The following VIM variants were observed in gnomAD, a reference collection of about 807,000 sequenced individuals.
VIM encodes the protein vimentin.
Under a neutral mutation model 50.3 loss-of-function variants are expected in VIM, and 18 were observed. The observed-to-expected ratio is 0.36, with a 90% confidence interval of 0.25 to 0.53. VIM has a LOEUF of 0.53. Ranked by LOEUF, VIM falls within the 20% of genes least tolerant of loss-of-function variation. The pLI, the probability that VIM is intolerant of heterozygous loss-of-function variation, is 0.91. For synonymous variants in VIM, 245 were observed against 248.5 expected, an observed-to-expected ratio of 0.99 and a Z score of 0.13; for missense variants, 551 against 614.7, an observed-to-expected ratio of 0.90 and a Z score of 1.10.
rs1564374964 is a variant in VIM at position 17,235,799 on chromosome 10, G to GAGAA, written c.1230-46_1230-45insGAAA. 3.2e-6 allele frequency: 5 copies of GAGAA among 1,572,552 alleles called. No individual in the cohort carries two copies. In the South Asian group the frequency reaches 5.5e-5, roughly 17 times the overall value. Reference sequence around the variant, plus strand: ...GTGTGTTAATTTGTTCCCAGTGGTTGAAGTTATTTGCCAACAATTTTACTG... The same window carrying GAGAA: ...GTGTGTTAATTTGTTCCCAGTGGTTGAGAAAAGTTATTTGCCAACAATTTTACTG... On this transcript the variant is annotated intron_variant, in intron 7 of 9. Transcript: ENST00000544301.
intron 3 of VIM, among the ~76,000 whole-genome samples, chr10:17,232,310 A>T (rs1846812518): frequency 6.6e-6 from 1 of 152,182 alleles, no homozygotes; most frequent in South Asian, 2.1e-4. Flanking sequence ...AAGGCTATGA[A>T]CTCCAAATAT....
At chr10:17,230,533 G>T in intron 2 of VIM, 117 bp from the exon 3 acceptor site, 1 of 1,173,562 alleles carries the variant, frequency 8.5e-7, no homozygotes, top group Middle Eastern at 2.8e-4. Flanking sequence ...GGCGCTAGTT[G>T]CGCGGAGGTG....
At chr10:17,235,052 T>G (rs977558343) in intron 6 of VIM, 117 bp from the exon 7 acceptor site, 6 of 1,286,418 alleles carry the variant, frequency 4.7e-6, no homozygotes, top group African/African-American at 1.5e-5. Context: ...CCACCTAAAA[T>G]TAGAGTGGTC....
At chr10:17,230,757 A>G (rs1316138268) in intron 3 of VIM, 47 bp downstream of exon 3, 9 of 1,608,784 alleles carry the variant, frequency 5.6e-6, no homozygotes, top group Non-Finnish European at 7.7e-6. Flanking sequence ...CCCACCCAAC[A>G]CAACCCACGA....
chr10:17,234,930 C>A, intron 6 of VIM, 112 bp downstream of exon 6: 1 of 1,487,112 alleles, frequency 6.7e-7, no homozygotes, highest in Non-Finnish European at 9.2e-7. Flanking sequence ...TATCATAATG[C>A]AAAGAAAATG....
chr10:17,235,732 T>C, intron 7 of VIM, 114 bp from the exon 8 acceptor site: 1 of 1,014,762 alleles, frequency 9.9e-7, no homozygotes, highest in Non-Finnish European at 1.5e-6. Flanking sequence ...CTCTAGTTTA[T>C]GATTTAAAAC....
In VIM at chr10:17,230,507, A is replaced by G. The variant is rs549355720; in HGVS notation, c.564-143A>G. The G allele has an allele frequency of 4.8e-5, 45 of 931,984 alleles. 1 individual carries two copies. In the South Asian group the frequency reaches 5.7e-4, roughly 12 times the overall value. 57.7% of individuals were successfully genotyped at this position (931,984 alleles called of 1,614,324 possible). ...CCCGCTGAAACCTGCCGAGGGCAGCAGGTCTGAAAGCTGCAGGCGCTAGTT... is the reference window on the plus strand; with the variant it reads ...CCCGCTGAAACCTGCCGAGGGCAGCGGGTCTGAAAGCTGCAGGCGCTAGTT... On this transcript the variant is annotated intron_variant, in intron 2 of 9. Transcript: ENST00000544301.
intron 1 of VIM, chr10:17,229,040 C>T (rs1846730039): frequency 2.9e-6 from 1 of 344,988 alleles, no homozygotes; most frequent in South Asian, 2.9e-5. Flanking sequence ...GAGCCCAGCT[C>T]AGACTATCAT....
rs140482660 is a variant in VIM, at chr10:17,235,882, C to T, written c.1266C>T (p.Asn422=). Residue 422 remains asparagine (N), a synonymous_variant, in exon 8 of 10, where the codon AAC becomes AAT. Transcript: ENST00000544301. ...CTCTTCCAAACTTTTCCTCCCTGAA[C>T]CTGAGGGGTAAGCATTTTATTTCCC... ...SLPLPNFSSL[N]LRETNLDSLP... is the part of the protein sequence containing the mutation. 1.9e-6 allele frequency: 3 copies of T among 1,613,654 alleles called. No individual in the cohort carries two copies. Among genetic ancestry groups the T allele is most frequent in the Non-Finnish European group, 2.5e-6 (3 of 1,179,664 alleles).
Position 17,237,335 on chromosome 10 carries a change from A to G in VIM, c.*64A>G. 3 of 1,525,382 alleles carry G rather than the reference A, an allele frequency of 2.0e-6. No individual in the cohort carries two copies. Among genetic ancestry groups the G allele is most frequent in the Middle Eastern group, 1.9e-4 (1 of 5,266 alleles). The allele number at this position is 1,525,382 out of a possible 1,614,324, so 94.5% of individuals were successfully genotyped here. On this transcript the variant is annotated 3_prime_UTR_variant, in exon 10 of 10. Transcript: ENST00000544301. ...AGAATAAAAAAGAAATCCATATCTT[A>G]AAGAAACAGCTTTCAAGTGCCTTTC...
chr10:17,236,197 C>CAAA, intron 8 of VIM, 97 bp from the exon 9 acceptor site: 2 of 1,014,832 alleles, frequency 2.0e-6, no homozygotes, highest in Non-Finnish European at 3.1e-6. Context: ...ACAATTGCCT[C>CAAA]TCCCCCACAA....
At chr10:17,233,204 T>G in intron 3 of VIM, 1 of 301,310 alleles carries the variant, frequency 3.3e-6, no homozygotes, top group South Asian at 2.9e-5. Context: ...CGTCTCAGCC[T>G]CCCAAAGTGC....
chr10:17,230,727 C>A lies in VIM; in HGVS notation c.624+17C>A. ...TTCAGACAGGTTTGTAGACTCTCTT[C>A]CCACTCGCAGCCGCCTGACCCCACC... On this transcript the variant is annotated intron_variant, in intron 3 of 9. Coordinates refer to ENST00000544301, the MANE Select transcript of VIM (RefSeq NM_003380.5). 1.2e-6 allele frequency: 2 copies of A among 1,614,068 alleles called. No individual in the cohort carries two copies. Among genetic ancestry groups the A allele is most frequent in the African/African-American group, 2.7e-5 (2 of 75,040 alleles).
intron 3 of VIM, chr10:17,230,941 C>A: frequency 6.2e-6 from 3 of 483,796 alleles, no homozygotes; most frequent in Non-Finnish European, 7.5e-6. Context: ...CTTACTCTGT[C>A]GCCCAGGCTG....
chr10:17,234,613 G>A, intron 5 of VIM, 80 bp from the exon 6 acceptor site: 4 of 1,594,354 alleles, frequency 2.5e-6, no homozygotes, highest in Non-Finnish European at 2.6e-6. Context: ...GACATTCAGT[G>A]AGAAATATGA....
chr10:17,233,613 T>G lies in VIM; in HGVS notation c.651T>G (p.Arg217=). 1 of 1,614,206 alleles carries G rather than the reference T, an allele frequency of 6.2e-7. No homozygotes were observed. Among genetic ancestry groups the G allele is most frequent in the Non-Finnish European group, 8.5e-7 (1 of 1,180,034 alleles). ...RQDVDNASLA[R]LDLERKVESL... is the part of the protein sequence containing the mutation. ...ATGTTGACAATGCGTCTCTGGCACG[T>G]CTTGACCTTGAACGCAAAGTGGAAT... Residue 217 remains arginine (R), a synonymous_variant, in exon 4 of 10, where the codon CGT becomes CGG. Transcript: ENST00000544301.
At position 17,233,856 on chromosome 10, in the gene VIM, G is replaced by T. The variant is rs745874397; in HGVS notation, c.807G>T (p.Leu269=). The part of the protein sequence containing the change: ...DVSKPDLTAA[L]RDVRQQYESV... ...CCAAGCCTGACCTCACGGCTGCCCT[G>T]CGTGACGTACGTCAGCAATATGAAA... Residue 269 remains leucine (L), a synonymous_variant, in exon 5 of 10, where the codon CTG becomes CTT. Coordinates refer to ENST00000544301, the MANE Select transcript of VIM (RefSeq NM_003380.5). The T allele has an allele frequency of 1.0e-4, 163 of 1,614,032 alleles. 1 individual carries two copies. In the Admixed American group the frequency reaches 2.6e-3, roughly 26 times the overall value.
chr10:17,230,317 C>T (rs935073023), intron 2 of VIM: 2 of 568,756 alleles, frequency 3.5e-6, no homozygotes, highest in Non-Finnish European at 3.2e-6. Context: ...CAGAAAGTTT[C>T]CTGCCCCTTC....
At chr10:17,232,995 T>A (rs1405668835) in intron 3 of VIM, among the ~76,000 whole-genome samples, 2 of 152,248 alleles carry the variant, frequency 1.3e-5, no homozygotes, top group Non-Finnish European at 2.9e-5. Context: ...TTGCCCAGGC[T>A]GGAGTGCAGT....
Sources: gnomAD v4.1 joint callset for allele counts (sites outside exome capture counted in the v4.1 genomes callset) on GRCh38, gnomAD v4.1.1 for gene constraint, MANE v1.5 for transcripts, NCBI Gene and HGNC (gene_info 2026-07-23, HGNC 2026-07-21) for gene names.